PTPRD: variants seen among roughly 807,000 people sequenced by gnomAD.
PTPRD encodes the protein receptor-type tyrosine-protein phosphatase delta.
Under a neutral mutation model 214.5 loss-of-function variants are expected in PTPRD, and 34 were observed. That is an observed-to-expected ratio of 0.16 (90% CI 0.12 to 0.21). The LOEUF (loss-of-function observed/expected upper bound fraction) is 0.21. Among genes scored for constraint, PTPRD ranks in the 10% least tolerant of loss-of-function variants. PTPRD has a pLI of 1.00. For synonymous variants in PTPRD, 1,128 were observed against 845.7 expected (o/e 1.33, Z -5.79); for missense variants, 2,545 against 2,398.7 (o/e 1.06, Z -1.27).
chr9:8,510,410 G>A (rs936380006), intron 21 of PTPRD, among the ~76,000 whole-genome samples: 1 of 152,198 alleles, frequency 6.6e-6, no homozygotes, highest in Non-Finnish European at 1.5e-5. Context: ...GGGCCCGGTG[G>A]AGAGTGCCCA....
At chr9:8,414,631 G>A (rs1174423849) in intron 35 of PTPRD, among the ~76,000 whole-genome samples, 1 of 151,872 alleles carries the variant, frequency 6.6e-6, no homozygotes, top group East Asian at 1.9e-4. Flanking sequence ...CTGAGTTTGA[G>A]TTAGGTAGTC....
At chr9:10,324,363 C>T (rs1440779677) in intron 3 of PTPRD, among the ~76,000 whole-genome samples, 1 of 151,994 alleles carries the variant, frequency 6.6e-6, no homozygotes, top group Non-Finnish European at 1.5e-5. Context: ...ATTTTTAACA[C>T]ACAGGGTTTA....
chr9:10,504,383 G>A lies in PTPRD; in HGVS notation c.-600+108015C>T, dbSNP rs144027302. 1.6e-3 allele frequency among the ~76,000 whole-genome samples: 248 copies of A among 152,056 alleles called. 3 individuals carry two copies. Among genetic ancestry groups the A allele is most frequent in the African/African-American group, 5.0e-3 (206 of 41,488 alleles). On this transcript the variant is annotated intron_variant, in intron 2 of 45. Coordinates refer to ENST00000381196, the MANE Select transcript of PTPRD (RefSeq NM_002839.4). ...ACAGCTCCAAGTGACAGAACACTTC[G>A]GTTTACTCTGCTTAGTAGGCTTCTG...
At chr9:8,931,861 A>C (rs1287127522) in intron 11 of PTPRD, among the ~76,000 whole-genome samples, 1 of 152,050 alleles carries the variant, frequency 6.6e-6, no homozygotes, top group African/African-American at 2.4e-5. Flanking sequence ...TGGCTTATTC[A>C]GGGATTCGAC....
intron 3 of PTPRD, among the ~76,000 whole-genome samples, chr9:10,064,771 T>C (rs2097845782): frequency 6.6e-6 from 1 of 151,802 alleles, no homozygotes; most frequent in African/African-American, 2.4e-5. Flanking sequence ...TAAACTTGTA[T>C]AAAAAAAACT....
chr9:9,894,601 T>C (rs1393665857), intron 5 of PTPRD, among the ~76,000 whole-genome samples: 1 of 152,040 alleles, frequency 6.6e-6, no homozygotes, highest in Non-Finnish European at 1.5e-5. Flanking sequence ...TTCACTGAGT[T>C]CCTTAAATTC....
intron 39 of PTPRD, among the ~76,000 whole-genome samples, chr9:8,370,546 T>TA (rs2081233636): frequency 6.6e-6 from 1 of 152,168 alleles, no homozygotes; most frequent in Admixed American, 6.6e-5. Context: ...GATTGGTAGC[T>TA]ATTGTGATTA....
intron 9 of PTPRD, among the ~76,000 whole-genome samples, chr9:9,322,807 T>G (rs1403346503): frequency 6.6e-6 from 1 of 152,164 alleles, no homozygotes; most frequent in Non-Finnish European, 1.5e-5. Context: ...GAACAGGTAC[T>G]ACTATACTGG....
chr9:9,491,509 G>A (rs1276556649), intron 8 of PTPRD, among the ~76,000 whole-genome samples: 3 of 150,296 alleles, frequency 2.0e-5, no homozygotes, highest in African/African-American at 7.3e-5. Flanking sequence ...AAGAGCATAT[G>A]AGACATTTTT....
chr9:9,812,848 G>C (rs556716766), intron 5 of PTPRD, among the ~76,000 whole-genome samples: 1 of 152,058 alleles, frequency 6.6e-6, no homozygotes, highest in Non-Finnish European at 1.5e-5. Flanking sequence ...TCAAGTGTAC[G>C]CAGAATATTC....
At chr9:8,586,920 G>T (rs935739791) in intron 14 of PTPRD, among the ~76,000 whole-genome samples, 1 of 152,202 alleles carries the variant, frequency 6.6e-6, no homozygotes, top group Non-Finnish European at 1.5e-5. Context: ...GACTGAGGTG[G>T]GCGGACCATG....
chr9:9,079,198 T>C (rs2099755498), intron 10 of PTPRD, among the ~76,000 whole-genome samples: 1 of 152,050 alleles, frequency 6.6e-6, no homozygotes, highest in Non-Finnish European at 1.5e-5. Flanking sequence ...TCTCTCCTTA[T>C]TCCTCCTTTC....
intron 7 of PTPRD, among the ~76,000 whole-genome samples, chr9:9,587,111 C>A (rs2092113542): frequency 6.6e-6 from 1 of 151,500 alleles, no homozygotes; most frequent in African/African-American, 2.4e-5. Context: ...AGAGGGGAGA[C>A]AAAAAAATTA....
chr9:9,855,567 A>G (rs1040173162), intron 5 of PTPRD, among the ~76,000 whole-genome samples: 1 of 152,182 alleles, frequency 6.6e-6, no homozygotes, highest in East Asian at 1.9e-4. Flanking sequence ...CATTTCCTCA[A>G]CCTGCCGCTC....
chr9:10,470,039 A>G (rs1181101386), intron 2 of PTPRD, among the ~76,000 whole-genome samples: 1 of 152,114 alleles, frequency 6.6e-6, no homozygotes, highest in African/African-American at 2.4e-5. Flanking sequence ...GGCGTTGGTT[A>G]ACAGGTAGTG....
At chr9:8,389,459 C>T (rs772553257) in intron 36 of PTPRD, 52 bp from the exon 37 acceptor site, 2 of 1,409,194 alleles carry the variant, frequency 1.4e-6, no homozygotes, top group Non-Finnish European at 1.9e-6. Flanking sequence ...CAAGAGGAAA[C>T]AGCCTGGGAC....
At chr9:9,455,397 T>A (rs960292741) in intron 8 of PTPRD, among the ~76,000 whole-genome samples, 11 of 151,612 alleles carry the variant, frequency 7.3e-5, no homozygotes, top group African/African-American at 2.2e-4. Context: ...GATTTTTATA[T>A]ACAATATTAT....
At chr9:8,373,882 CTA>C (rs2082366676) in intron 39 of PTPRD, among the ~76,000 whole-genome samples, 1 of 100,128 alleles carries the variant, frequency 1.0e-5, no homozygotes, top group East Asian at 2.9e-4. Flanking sequence ...ATCTATCTAT[CTA>C]TCTATCTATC....
intron 3 of PTPRD, among the ~76,000 whole-genome samples, chr9:10,264,657 A>G (rs768360465): frequency 2.6e-5 from 4 of 152,132 alleles, no homozygotes; most frequent in Non-Finnish European, 5.9e-5. Flanking sequence ...CTTGTTTCAG[A>G]TGAGACTTTG....
Sources: gnomAD v4.1 joint callset for allele counts (sites outside exome capture counted in the v4.1 genomes callset) on GRCh38, gnomAD v4.1.1 for gene constraint, MANE v1.5 for transcripts, NCBI Gene and HGNC (gene_info 2026-07-23, HGNC 2026-07-21) for gene names.